SPATA7: variants seen among roughly 807,000 people sequenced by gnomAD.
The protein encoded by SPATA7 is spermatogenesis associated 7.
SPATA7 carries 43 observed loss-of-function variants against 51.8 expected under a neutral mutation model. The observed-to-expected ratio is 0.83, with a 90% CI of 0.65 to 1.07. The LOEUF (loss-of-function observed/expected upper bound fraction) is 1.07. Among genes scored for constraint, SPATA7 ranks in the 50% least tolerant of loss-of-function variants. The pLI, the probability that SPATA7 is intolerant of heterozygous loss-of-function variation, is 0.00. For synonymous variants in SPATA7, 230 were observed against 252.8 expected (o/e 0.91, Z 0.86); for missense variants, 683 against 701.3 (o/e 0.97, Z 0.30).
intron 3 of SPATA7, among the ~76,000 whole-genome samples, chr14:88,394,494 T>G (rs2075828876): frequency 6.6e-6 from 1 of 152,198 alleles, no homozygotes; most frequent in African/African-American, 2.4e-5. Flanking sequence ...CATTTATTCT[T>G]TTGTATTGTT....
intron 10 of SPATA7, 57 bp from the exon 11 acceptor site, chr14:88,437,486 T>G (rs918835996): frequency 5.5e-6 from 7 of 1,263,898 alleles, no homozygotes; most frequent in Non-Finnish European, 8.1e-6. Context: ...GTAGCTAGTT[T>G]ATATTTAGAT....
At chr14:88,431,740 A>G (rs1489710732) in intron 9 of SPATA7, among the ~76,000 whole-genome samples, 1 of 152,136 alleles carries the variant, frequency 6.6e-6, no homozygotes, top group Non-Finnish European at 1.5e-5. Flanking sequence ...GGCTTATTTC[A>G]CCAGCATCCA....
At chr14:88,440,314 A>ACAGCT (rs1352293611), downstream of SPATA7, among the ~76,000 whole-genome samples, 1 of 152,198 alleles carries the variant, frequency 6.6e-6, no homozygotes, top group Non-Finnish European at 1.5e-5. Flanking sequence ...AACTCTGGGT[A>ACAGCT]CAGCTTCTTG....
At chr14:88,388,235 A>G (rs969024652) in intron 1 of SPATA7, among the ~76,000 whole-genome samples, 2 of 152,196 alleles carry the variant, frequency 1.3e-5, no homozygotes, top group Non-Finnish European at 2.9e-5. Context: ...TTGGTCTCAT[A>G]GAGACACTTA....
chr14:88,434,206 T>C (rs2077014561), intron 10 of SPATA7, among the ~76,000 whole-genome samples: 1 of 152,184 alleles, frequency 6.6e-6, no homozygotes. Context: ...ATTATAAGAC[T>C]GTTTATTACA....
At chr14:88,442,941 T>C (rs1042300738), downstream of SPATA7, among the ~76,000 whole-genome samples, 1 of 17,516 alleles carries the variant, frequency 5.7e-5, no homozygotes. Context: ...TTGTTAGTAA[T>C]TTTTTTTTTT....
intron 9 of SPATA7, among the ~76,000 whole-genome samples, chr14:88,431,551 C>T (rs1440433274): frequency 6.6e-6 from 1 of 152,140 alleles, no homozygotes; most frequent in Non-Finnish European, 1.5e-5. Flanking sequence ...AACACTAGAA[C>T]TTACTCCTCC....
rs780084700 is a variant in SPATA7 at position 88,393,499 on chromosome 14, G to A, written c.190+11G>A. ...TCCTTTCAGCCAAAGGTAAAAATGT[G>A]CAAATGTGAACTCTCTGTACTCAAT... On this transcript the variant is annotated intron_variant, in intron 3 of 11. Coordinates refer to ENST00000393545, the MANE Select transcript of SPATA7 (RefSeq NM_018418.5). 6.4e-7 allele frequency: 1 copy of A among 1,574,316 alleles called. No individual in the cohort carries two copies. The highest frequency in any genetic ancestry group is 8.7e-7 in the Non-Finnish European group (1 of 1,151,684).
chr14:88,404,426 A>G (rs1306947515), intron 4 of SPATA7, among the ~76,000 whole-genome samples: 1 of 152,196 alleles, frequency 6.6e-6, no homozygotes, highest in African/African-American at 2.4e-5. Flanking sequence ...AGTATTTAAA[A>G]GTATTTTAGG....
intron 3 of SPATA7, among the ~76,000 whole-genome samples, chr14:88,451,932 A>AT (rs1462728278): frequency 6.6e-6 from 1 of 151,132 alleles, no homozygotes; most frequent in African/African-American, 2.4e-5. Context: ...CAGTTTAGAG[A>AT]TTTTGTCTTG....
chr14:88,427,383 T>C (rs1296828925), intron 6 of SPATA7, among the ~76,000 whole-genome samples: 2 of 152,244 alleles, frequency 1.3e-5, no homozygotes, highest in African/African-American at 4.8e-5. Context: ...CAGTAGGTTT[T>C]AGTTGTTTTA....
In SPATA7 at chr14:88,452,643, C is replaced by T. The variant is rs367784345; in HGVS notation, c.178-2417C>T. ...AAAGTTCACAATGTGGGTTTCCACA[C>T]GCTGCTCTGTCCATCTGAGTGGGAA... is the stretch of plus-strand genomic sequence containing the variant. On this transcript the variant is annotated intron_variant, in intron 3 of 3. Transcript: ENST00000554802. 1.6e-4 allele frequency among the ~76,000 whole-genome samples: 25 copies of T among 152,284 alleles called. No individual in the cohort carries two copies. In the South Asian group the frequency reaches 2.7e-3, roughly 16 times the overall value.
intron 3 of SPATA7, among the ~76,000 whole-genome samples, chr14:88,448,450 G>T (rs2077229025): frequency 1.3e-5 from 2 of 152,182 alleles, no homozygotes; most frequent in South Asian, 4.1e-4. Context: ...GTAGCTCGGA[G>T]TAATTTGATC....
chr14:88,451,057 G>A lies in SPATA7; in HGVS notation c.178-4003G>A, dbSNP rs72695825. Among the ~76,000 whole-genome samples, 991 of 152,126 alleles carry A rather than the reference G, an allele frequency of 6.5e-3. 7 individuals carry two copies. The highest frequency in any genetic ancestry group is 0.012 in the Admixed American group (183 of 15,282). ...ATTTGAAAGCCTTGTCTTTGAGCTG[G>A]GAAGTTTCTTTCTTCCATTTGTTCA... On this transcript the variant is annotated intron_variant, in intron 3 of 3. Transcript: ENST00000554802.
At chr14:88,425,541 A>G (rs1419109258) in intron 5 of SPATA7, among the ~76,000 whole-genome samples, 2 of 152,146 alleles carry the variant, frequency 1.3e-5, no homozygotes, top group Admixed American at 1.3e-4. Context: ...TTATAAAACA[A>G]TAAAATACTA....
At position 88,469,169 on chromosome 14, in the gene SPATA7, G is replaced by A. The variant is rs2077414131; in HGVS notation, c.255-678G>A. ...TCATATTCTCTCCACTGATTAAGAG[G>A]ACTGCAGATAAAGAGCACTGGGTGC... On this transcript the variant is annotated intron_variant, in intron 4 of 4. Transcript: ENST00000556406. The surrounding 1 kb of genome is among the most constrained non-coding windows in gnomAD (Gnocchi z 4.3). 2.2e-6 allele frequency: 3 copies of A among 1,372,756 alleles called. No homozygotes were observed. The South Asian group carries it at 4.3e-5, about 20-fold the overall frequency. 85.0% of individuals were successfully genotyped at this position (1,372,756 alleles called of 1,614,324 possible).
intron 5 of SPATA7, among the ~76,000 whole-genome samples, chr14:88,423,887 A>C (rs1164221878): frequency 6.6e-6 from 1 of 152,176 alleles, no homozygotes; most frequent in East Asian, 1.9e-4. Context: ...AAATCCGACA[A>C]TTGGAAAATT....
chr14:88,395,356 A>G (rs982655311), intron 3 of SPATA7, among the ~76,000 whole-genome samples: 7 of 151,946 alleles, frequency 4.6e-5, no homozygotes, highest in African/African-American at 7.2e-5. Context: ...TGATGCTTAT[A>G]TTTTTAAATG....
chr14:88,426,821 G>T, intron 6 of SPATA7, 117 bp downstream of exon 6: 1 of 888,864 alleles, frequency 1.1e-6, no homozygotes, highest in Non-Finnish European at 1.8e-6. Flanking sequence ...CTTTTGATTG[G>T]AATGAGATGA....
Sources: gnomAD v4.1 joint callset for allele counts (sites outside exome capture counted in the v4.1 genomes callset) on GRCh38, gnomAD v4.1.1 for gene constraint, Gnocchi (gnomAD v3.1) non-coding constraint, MANE v1.5 for transcripts, NCBI Gene and HGNC (gene_info 2026-07-23, HGNC 2026-07-21) for gene names.